The following ERC2 variants were observed in gnomAD, a reference collection of about 807,000 sequenced individuals.
ERC2 encodes ERC protein 2.
In ERC2, 42 loss-of-function variants were observed where a neutral mutation model predicts 114.8. The observed-to-expected ratio is 0.37, with a 90% CI of 0.29 to 0.47. The LOEUF is 0.47. Among genes scored for constraint, ERC2 ranks in the 20% least tolerant of loss-of-function variants. The pLI is 0.99. For synonymous variants in ERC2, 454 were observed against 425.5 expected (o/e 1.07, Z -0.82); for missense variants, 939 against 1,150.7 (o/e 0.82, Z 2.66).
chr3:55,994,742 T>A (rs193189529), intron 10 of ERC2, among the ~76,000 whole-genome samples: 1 of 151,824 alleles, frequency 6.6e-6, no homozygotes, highest in East Asian at 1.9e-4. Context: ...TTCCTTATTT[T>A]AGCTCCATGA....
chr3:56,447,530 TTTG>T (rs2062635112), intron 1 of ERC2, among the ~76,000 whole-genome samples: 1 of 152,182 alleles, frequency 6.6e-6, no homozygotes, highest in Non-Finnish European at 1.5e-5. Context: ...TTGGATTTAA[TTTG>T]GACAAATGAA....
chr3:56,313,128 T>A (rs2056691107), intron 2 of ERC2, among the ~76,000 whole-genome samples: 1 of 142,402 alleles, frequency 7.0e-6, no homozygotes, highest in African/African-American at 2.6e-5. Flanking sequence ...AAAAAAGTAA[T>A]ATGAATGGAC....
chr3:56,353,675 G>A (rs2058637027), intron 2 of ERC2, among the ~76,000 whole-genome samples: 1 of 106,156 alleles, frequency 9.4e-6, no homozygotes. Flanking sequence ...GGAGGGGGGA[G>A]GGATAGCATT....
At chr3:56,389,031 G>A (rs2060036061) in intron 2 of ERC2, among the ~76,000 whole-genome samples, 3 of 152,058 alleles carry the variant, frequency 2.0e-5, no homozygotes, top group African/African-American at 7.2e-5. Flanking sequence ...AAAAAAAAGA[G>A]TACAAAAATT....
At chr3:56,134,931 T>TTTTTGTTTTTGTTTTTGG (rs1226045665) in intron 6 of ERC2, among the ~76,000 whole-genome samples, 189 of 126,906 alleles carry the variant, frequency 1.5e-3, no homozygotes, top group Non-Finnish European at 2.8e-3. Context: ...TTTTTTTTTG[T>TTTTTGTTTTTGTTTTTGG]TTTTGTTTTT....
At position 56,296,340 on chromosome 3, in the gene ERC2, C is replaced by T. The variant is rs56227347; in HGVS notation, c.753G>A (p.Ala251=). 38,405 of 1,613,928 alleles carry T rather than the reference C, an allele frequency of 0.024. 1,468 individuals carry two copies. The highest frequency in any genetic ancestry group is 0.18 in the African/African-American group (13,210 of 74,976). The change falls in exon 3 of 18, where the codon GCG becomes GCA. Residue 251 remains alanine, a synonymous_variant. Coordinates refer to ENST00000288221, the MANE Select transcript of ERC2 (RefSeq NM_015576.3). ...LLQQESGNRG[A]EHFTIELTEE... ...CGGTCAGCTCGATGGTGAAGTGCTCCGCTCCTCGGTTGCCACTCTCTTGCT... is the reference window on the plus strand; with the variant it reads ...CGGTCAGCTCGATGGTGAAGTGCTCTGCTCCTCGGTTGCCACTCTCTTGCT...
rs183142643 is a variant in ERC2 at position 55,584,047 on chromosome 3, T to C, written c.*40-72771A>G. 4.2e-4 allele frequency among the ~76,000 whole-genome samples: 64 copies of C among 152,316 alleles called. 1 individual carries two copies. In the South Asian group the frequency reaches 7.0e-3, roughly 17 times the overall value. ...TAATAAGCTCAGAGTTGATTCATCG[T>C]TAAAAGAGCTAACACATGGAAAGTG... On this transcript the variant is annotated intron_variant, in intron 17 of 17. Transcript: ENST00000288221.
At chr3:56,061,615 A>G (rs1449354755) in intron 7 of ERC2, among the ~76,000 whole-genome samples, 2 of 152,232 alleles carry the variant, frequency 1.3e-5, no homozygotes. Context: ...GAAAAAATAT[A>G]TAAACCACAC....
intron 2 of ERC2, among the ~76,000 whole-genome samples, chr3:56,391,718 T>C (rs1216707494): frequency 6.6e-6 from 1 of 152,102 alleles, no homozygotes; most frequent in Non-Finnish European, 1.5e-5. Context: ...TGGGAGAGTA[T>C]ACTGATAAGG....
chr3:56,418,614 G>T (rs1321708193), intron 2 of ERC2, among the ~76,000 whole-genome samples: 1 of 152,222 alleles, frequency 6.6e-6, no homozygotes, highest in Non-Finnish European at 1.5e-5. Flanking sequence ...TGGATTAAAT[G>T]AGATACCATA....
chr3:55,995,037 A>C (rs2071398124), intron 10 of ERC2, among the ~76,000 whole-genome samples: 1 of 152,216 alleles, frequency 6.6e-6, no homozygotes, highest in African/African-American at 2.4e-5. Context: ...GACTTTTAAA[A>C]TAAATAGACA....
chr3:56,128,090 T>C, intron 6 of ERC2, among the ~76,000 whole-genome samples: 1 of 151,430 alleles, frequency 6.6e-6, no homozygotes, highest in Non-Finnish European at 1.5e-5. Context: ...AAATAAATTT[T>C]TAAATTTTAA....
intron 15 of ERC2, among the ~76,000 whole-genome samples, chr3:55,728,806 T>C (rs1377284015): frequency 6.6e-6 from 1 of 152,206 alleles, no homozygotes; most frequent in Non-Finnish European, 1.5e-5. Context: ...ACTTGTACTC[T>C]GACGGCGTGT....
At chr3:56,106,322 T>C (rs559924149) in intron 6 of ERC2, among the ~76,000 whole-genome samples, 2 of 152,192 alleles carry the variant, frequency 1.3e-5, no homozygotes, top group Middle Eastern at 3.2e-3. Flanking sequence ...GGAAAATAGA[T>C]AGAAGTTCAC....
At position 55,798,426 on chromosome 3, in the gene ERC2, G is replaced by A. The variant is rs113981198; in HGVS notation, c.2565-63508C>T. On this transcript the variant is annotated intron_variant, in intron 14 of 17. Transcript: ENST00000288221. ...ATCCTGGCTAACATGGTGAAACCCC[G>A]TCTCTACTAAAAATACAAAAAATTA... 1.2e-3 allele frequency among the ~76,000 whole-genome samples: 175 copies of A among 151,918 alleles called. 1 individual carries two copies. Among genetic ancestry groups the A allele is most frequent in the African/African-American group, 4.2e-3 (172 of 41,442 alleles).
At chr3:55,799,423 C>CATATATATAAGGCAT (rs2070815879) in intron 14 of ERC2, among the ~76,000 whole-genome samples, 1 of 110,546 alleles carries the variant, frequency 9.0e-6, no homozygotes, top group Admixed American at 8.6e-5. Flanking sequence ...TATATATATG[C>CATATATATAAGGCAT]ATATATATAT....
At position 55,570,899 on chromosome 3, in the gene ERC2, G is replaced by A. The variant is rs1206315183; in HGVS notation, c.*40-59623C>T. On this transcript the variant is annotated intron_variant, in intron 17 of 17. Transcript: ENST00000288221. ...TCCCAGCACTTTGGGAGGCTGAGGC[G>A]GGCGGATCACGAGGTCAAGAGATCG... Among the ~76,000 whole-genome samples, 7 of 152,146 alleles carry A rather than the reference G, an allele frequency of 4.6e-5. No individual in the cohort carries two copies. In the East Asian group the frequency reaches 9.7e-4, roughly 21 times the overall value.
intron 14 of ERC2, among the ~76,000 whole-genome samples, chr3:55,881,738 T>G (rs1430037956): frequency 1.3e-5 from 2 of 152,184 alleles, no homozygotes; most frequent in African/African-American, 4.8e-5. Context: ...CTGGCATTAA[T>G]AAAATCAAAC....
chr3:56,136,793 T>A (rs1214230195), intron 6 of ERC2, among the ~76,000 whole-genome samples: 1 of 152,102 alleles, frequency 6.6e-6, no homozygotes, highest in African/African-American at 2.4e-5. Context: ...TGTTTCCATG[T>A]ACAAAGAGAT....
Sources: allele counts gnomAD v4.1 joint callset (sites outside exome capture counted in the v4.1 genomes callset), GRCh38; gene constraint gnomAD v4.1.1; transcripts MANE v1.5; gene names NCBI Gene and HGNC (gene_info 2026-07-23, HGNC 2026-07-21).